CYFIP2: variants seen among roughly 807,000 people sequenced by gnomAD.
The protein encoded by CYFIP2 is cytoplasmic FMR1 interacting protein 2, also known as cytoplasmic FMR1-interacting protein 2.
A neutral mutation model predicts 158.7 loss-of-function variants in CYFIP2; 29 were observed. The ratio of observed to expected loss-of-function variants is 0.18; its 90% confidence interval spans 0.14 to 0.25. The LOEUF (loss-of-function observed/expected upper bound fraction) is 0.25. CYFIP2 is among the 10% of genes least tolerant of loss of function. The probability of loss-of-function intolerance (pLI) is 1.00; values close to 1 mark genes in which losing one functional copy is unlikely to be tolerated. For missense variants in CYFIP2, 852 were observed against 1,639.5 expected (o/e 0.52, Z 8.29); for synonymous variants, 585 against 617.6 (o/e 0.95, Z 0.78).
At chr5:157,389,706 TC>T (rs1399868209) in intron 29 of CYFIP2, 1 of 299,230 alleles carries the variant, frequency 3.3e-6, no homozygotes, top group Non-Finnish European at 6.2e-6. Flanking sequence ...AGCTAGTTCT[TC>T]CTGCCCTCAC....
chr5:157,323,149 G>T, intron 15 of CYFIP2: 2 of 886,766 alleles, frequency 2.3e-6, no homozygotes, highest in Non-Finnish European at 3.4e-6. Context: ...ATCTAGATTA[G>T]CAAAGAGAAC....
chr5:157,381,386 G>T (rs1322772664), intron 26 of CYFIP2, among the ~76,000 whole-genome samples: 1 of 151,770 alleles, frequency 6.6e-6, no homozygotes, highest in Non-Finnish European at 1.5e-5. Flanking sequence ...AATTAGCCAG[G>T]CATGATGGCG....
chr5:157,366,043 G>T (rs1474443082), intron 26 of CYFIP2, among the ~76,000 whole-genome samples: 2 of 152,080 alleles, frequency 1.3e-5, no homozygotes, highest in African/African-American at 2.4e-5. Context: ...TAGCTTCAAA[G>T]CAGTTTTCAA....
Position 157,285,349 on chromosome 5 carries a change from A to G in CYFIP2, c.-13A>G, listed in dbSNP as rs775257977. ...CTTCCTTCCCTTCAGTGCAGAATAC[A>G]GAAACTGCAGCCATGACCACGCACG... On this transcript the variant is annotated 5_prime_UTR_variant, in exon 2 of 31. Coordinates refer to ENST00000620254, the MANE Select transcript of CYFIP2 (RefSeq NM_001037333.3). 12 of 1,555,668 alleles carry G rather than the reference A, an allele frequency of 7.7e-6. No individual in the cohort carries two copies. The highest frequency in any genetic ancestry group is 1.0e-5 in the Non-Finnish European group (12 of 1,148,916).
intron 13 of CYFIP2, among the ~76,000 whole-genome samples, chr5:157,316,205 C>A (rs1760131565): frequency 6.6e-6 from 1 of 152,056 alleles, no homozygotes; most frequent in Non-Finnish European, 1.5e-5. Context: ...AGTTTTCATG[C>A]AGACAGGGAA....
chr5:157,362,112 C>T (rs1326230575), intron 26 of CYFIP2, among the ~76,000 whole-genome samples: 2 of 152,198 alleles, frequency 1.3e-5, no homozygotes, highest in African/African-American at 4.8e-5. Flanking sequence ...GGCTTATAGT[C>T]ATAGGTAGAT....
intron 29 of CYFIP2, 154 bp downstream of exon 29, chr5:157,389,581 C>T: frequency 1.5e-6 from 1 of 652,690 alleles, no homozygotes; most frequent in African/African-American, 1.8e-5. Context: ...ACTGCATTGG[C>T]AAGAAAGAGC....
chr5:157,291,910 A>AT (rs1329009849), intron 3 of CYFIP2, among the ~76,000 whole-genome samples: 2 of 151,424 alleles, frequency 1.3e-5, no homozygotes, highest in South Asian at 2.1e-4. Context: ...TTCTTTGGTG[A>AT]TTTTTTTTTC....
intron 23 of CYFIP2, among the ~76,000 whole-genome samples, chr5:157,347,302 T>A (rs1762765517): frequency 1.7e-5 from 2 of 116,020 alleles, no homozygotes; most frequent in East Asian, 2.2e-4. Flanking sequence ...ACTTTTTCCC[T>A]TGGAAAAAAA....
intron 21 of CYFIP2, 124 bp downstream of exon 21, chr5:157,333,570 T>A: frequency 7.4e-7 from 1 of 1,354,222 alleles, no homozygotes; most frequent in African/African-American, 1.5e-5. Flanking sequence ...CTTTCCCATC[T>A]GAATGGAGCT....
chr5:157,380,619 A>G lies in CYFIP2; in HGVS notation c.3040-1971A>G, dbSNP rs76650238. 7.4e-4 allele frequency among the ~76,000 whole-genome samples: 112 copies of G among 152,360 alleles called. 1 individual carries two copies. Among genetic ancestry groups the G allele is most frequent in the African/African-American group, 2.5e-3 (105 of 41,578 alleles). ...CTAAGGCATTTGAAAATAAAACTACAAATCAGTATCCTTCATGAATACAGA... is the reference window on the plus strand; with the variant it reads ...CTAAGGCATTTGAAAATAAAACTACGAATCAGTATCCTTCATGAATACAGA... On this transcript the variant is annotated intron_variant, in intron 26 of 30. Coordinates refer to ENST00000620254, the MANE Select transcript of CYFIP2 (RefSeq NM_001037333.3).
At position 157,392,750 on chromosome 5, in the gene CYFIP2, G is replaced by T. The variant is rs867709621; in HGVS notation, c.3595-83G>T. 71 of 1,462,814 alleles carry T rather than the reference G, an allele frequency of 4.9e-5. No homozygotes were observed. In the Middle Eastern group the frequency reaches 9.1e-3, roughly 188 times the overall value. The allele number at this position is 1,462,814 out of a possible 1,614,324, so 90.6% of individuals were successfully genotyped here. Reference sequence around the variant, plus strand: ...ATGATCACTGATGCAGGGGACCCTGGACCTCAGTGACTTCTCCTGTTACTC... The same window carrying T: ...ATGATCACTGATGCAGGGGACCCTGTACCTCAGTGACTTCTCCTGTTACTC... On this transcript the variant is annotated intron_variant, in intron 30 of 30. Transcript: ENST00000620254.
At chr5:157,336,797 T>G (rs1220112003) in intron 21 of CYFIP2, among the ~76,000 whole-genome samples, 2 of 152,250 alleles carry the variant, frequency 1.3e-5, no homozygotes, top group Non-Finnish European at 1.5e-5. Context: ...TTTTTAAGCC[T>G]TTTCCATGCT....
At chr5:157,360,959 C>G (rs1763772004) in intron 25 of CYFIP2, among the ~76,000 whole-genome samples, 2 of 152,120 alleles carry the variant, frequency 1.3e-5, no homozygotes. Context: ...AAAGATAAGG[C>G]TAAAATTTCT....
intron 1 of CYFIP2, among the ~76,000 whole-genome samples, chr5:157,283,068 A>G (rs181278584): frequency 6.6e-6 from 1 of 152,352 alleles, no homozygotes; most frequent in East Asian, 1.9e-4. Flanking sequence ...GAGCCCTTGG[A>G]AGGAAGTATG....
Position 157,389,400 on chromosome 5 carries a change from C to G in CYFIP2, c.3419C>G (p.Pro1140Arg). 1 of 1,604,048 alleles carries G rather than the reference C, an allele frequency of 6.2e-7. No homozygotes were observed. Among genetic ancestry groups the G allele is most frequent in the Non-Finnish European group, 8.5e-7 (1 of 1,172,922 alleles). Residue 1140 changes from proline to arginine, a missense_variant, in exon 29 of 31, where the codon CCT (proline) becomes CGT (arginine). By Grantham distance (103) the Pro-to-Arg change is moderately radical. Around this residue, in one of 8 missense-constraint regions of CYFIP2, gnomAD observed 223 missense variants for 381.6 expected, o/e 0.58. Transcript: ENST00000620254. ...WSAMQFVYCIPVGTNEFTAEQ... is the reference protein window; with the variant it reads ...WSAMQFVYCIRVGTNEFTAEQ... ...GCCATGCAGTTCGTGTACTGCATCC[C>G]TGTGGGAACCAACGAGTTCACAGCT...
At chr5:157,368,887 GTTTT>G (rs74720983) in intron 26 of CYFIP2, among the ~76,000 whole-genome samples, 42,676 of 145,884 alleles carry the variant, frequency 0.29, 6,280 homozygotes, top group Non-Finnish European at 0.34. Flanking sequence ...GATCCCAGAG[GTTTT>G]TTGTTTTTTT....
chr5:157,287,141 C>T (rs762823896), intron 3 of CYFIP2, 33 bp downstream of exon 3: 1 of 1,591,722 alleles, frequency 6.3e-7, no homozygotes, highest in South Asian at 1.1e-5. Flanking sequence ...TGCAGACATG[C>T]TCCCTGCTGG....
At chr5:157,365,196 A>G (rs1168359918) in intron 26 of CYFIP2, 1 of 152,240 alleles carries the variant, frequency 6.6e-6, no homozygotes, top group Admixed American at 6.5e-5. Flanking sequence ...TTACAAGGAA[A>G]GCACATTCAT....
Sources: gnomAD v4.1 joint callset for allele counts (sites outside exome capture counted in the v4.1 genomes callset) on GRCh38, gnomAD v4.1.1 for gene constraint, gnomAD v4.1.1 regional missense constraint, MANE v1.5 for transcripts, NCBI Gene and HGNC (gene_info 2026-07-23, HGNC 2026-07-21) for gene names.